BFSP1: variants seen among roughly 807,000 people sequenced by gnomAD.
BFSP1 encodes the protein filensin.
Under a neutral mutation model 43.9 loss-of-function variants are expected in BFSP1, and 38 were observed. The ratio of observed to expected loss-of-function variants is 0.87; its 90% CI spans 0.67 to 1.14. BFSP1 has a LOEUF of 1.14. Ranked by LOEUF, BFSP1 falls within the 50% of genes most tolerant of loss-of-function variation. The pLI is 0.00. For synonymous variants in BFSP1, 352 were observed against 354.8 expected (o/e 0.99, Z 0.09); for missense variants, 850 against 875.1 (o/e 0.97, Z 0.36).
At chr20:17,561,624 C>CCGTTTGT (rs1200678168), upstream of BFSP1, among the ~76,000 whole-genome samples, 2 of 152,096 alleles carry the variant, frequency 1.3e-5, no homozygotes, top group Non-Finnish European at 2.9e-5. Context: ...ATTGTTCAGA[C>CCGTTTGT]CGTTTGTGTT....
chr20:17,520,211 C>CGCCA (rs201307572), intron 2 of BFSP1, among the ~76,000 whole-genome samples: 122 of 95,224 alleles, frequency 1.3e-3, no homozygotes, highest in African/African-American at 3.8e-3. Context: ...TTTTAACGTG[C>CGCCA]CCCCCCACCC....
chr20:17,518,053 T>C (rs1456508696), intron 2 of BFSP1, among the ~76,000 whole-genome samples: 1 of 152,174 alleles, frequency 6.6e-6, no homozygotes, highest in African/African-American at 2.4e-5. Context: ...CTCCTCCTGA[T>C]TCCTGGCCCT....
intron 1 of BFSP1, among the ~76,000 whole-genome samples, chr20:17,548,280 T>C: frequency 6.6e-6 from 1 of 152,158 alleles, no homozygotes; most frequent in South Asian, 2.1e-4. Context: ...GTCTCTCATT[T>C]TTATTAAAAA....
upstream of BFSP1, among the ~76,000 whole-genome samples, chr20:17,562,012 C>T (rs2035071075): frequency 6.6e-6 from 1 of 151,976 alleles, no homozygotes; most frequent in African/African-American, 2.4e-5. Context: ...CCTCTGCCTC[C>T]TGGGTTCATG....
rs187877933 is a variant in BFSP1, at chr20:17,529,197, C to T, written c.377+1756G>A. On this transcript the variant is annotated intron_variant, in intron 1 of 7. Coordinates refer to ENST00000377873, the MANE Select transcript of BFSP1 (RefSeq NM_001195.5). ...AAGTGATTCTCCTGCCTCAGCCTCC[C>T]GGGTAGCTGGAACTACAGGCGTGTG... Among the ~76,000 whole-genome samples the T allele has an allele frequency of 7.8e-3, 1,182 of 152,098 alleles. 7 individuals are homozygous for T. Among genetic ancestry groups the T allele is most frequent in the South Asian group, 0.016 (79 of 4,824 alleles).
At chr20:17,567,977 CTATTGATCCTTGGGA>C (rs1267597937) in intron 1 of BFSP1, among the ~76,000 whole-genome samples, 6 of 149,570 alleles carry the variant, frequency 4.0e-5, no homozygotes, top group South Asian at 4.3e-4. Context: ...GAAGGAACTA[CTATTGATCCTTGGGA>C]AGTGGTAAGA....
chr20:17,558,412 T>G (rs1458774302), intron 1 of BFSP1, among the ~76,000 whole-genome samples: 1 of 152,168 alleles, frequency 6.6e-6, no homozygotes, highest in Non-Finnish European at 1.5e-5. Flanking sequence ...GTGCTGCTCT[T>G]TTTTCTCTGA....
intron 1 of BFSP1, among the ~76,000 whole-genome samples, chr20:17,568,608 A>G (rs904063557): frequency 1.3e-5 from 2 of 152,098 alleles, no homozygotes; most frequent in African/African-American, 4.8e-5. Flanking sequence ...GCTTTGAACA[A>G]CTTTTCCAGG....
intron 1 of BFSP1, among the ~76,000 whole-genome samples, chr20:17,564,205 C>T (rs889615917): frequency 2.0e-5 from 3 of 151,872 alleles, no homozygotes; most frequent in African/African-American, 7.3e-5. Context: ...GACACAGACA[C>T]ACACACAAAT....
At chr20:17,500,065 AC>A (rs765187455) in intron 5 of BFSP1, among the ~76,000 whole-genome samples, 25 of 152,246 alleles carry the variant, frequency 1.6e-4, no homozygotes, top group Non-Finnish European at 3.5e-4. Flanking sequence ...ATAAGATGCT[AC>A]CTTTATTGAA....
At chr20:17,527,918 GTTTT>G (rs1339286313) in intron 1 of BFSP1, among the ~76,000 whole-genome samples, 1 of 152,086 alleles carries the variant, frequency 6.6e-6, no homozygotes, top group African/African-American at 2.4e-5. Context: ...TGATAGTTTT[GTTTT>G]TATTTCATTC....
At chr20:17,528,641 G>T (rs2034470427) in intron 1 of BFSP1, among the ~76,000 whole-genome samples, 1 of 152,196 alleles carries the variant, frequency 6.6e-6, no homozygotes, top group African/African-American at 2.4e-5. Flanking sequence ...CCAGGTTCAA[G>T]TTCTGCCACC....
intron 2 of BFSP1, among the ~76,000 whole-genome samples, chr20:17,518,880 T>G (rs2034259263): frequency 6.6e-6 from 1 of 152,152 alleles, no homozygotes; most frequent in Admixed American, 6.5e-5. Flanking sequence ...GACCACCATC[T>G]TGCCTGACAG....
At chr20:17,497,440 A>C (rs962988246) in intron 6 of BFSP1, among the ~76,000 whole-genome samples, 1 of 63,366 alleles carries the variant, frequency 1.6e-5, no homozygotes, top group Non-Finnish European at 2.8e-5. Context: ...ATGTATATAT[A>C]CGTGTATGTA....
intron 1 of BFSP1, among the ~76,000 whole-genome samples, chr20:17,555,128 G>C (rs374924800): frequency 1.3e-5 from 2 of 151,454 alleles, no homozygotes; most frequent in African/African-American, 4.9e-5. Context: ...GTGAGAACCT[G>C]TCTCTACAAA....
intron 5 of BFSP1, among the ~76,000 whole-genome samples, chr20:17,501,285 C>T (rs1284501685): frequency 1.3e-5 from 2 of 152,196 alleles, no homozygotes; most frequent in African/African-American, 4.8e-5. Context: ...CGGCAAATGG[C>T]CGGGTGTGGT....
chr20:17,526,262 AT>A (rs73617206), intron 1 of BFSP1, among the ~76,000 whole-genome samples: 26,815 of 150,870 alleles, frequency 0.18, 3,680 homozygotes, highest in African/African-American at 0.39. Context: ...CACCACCAAC[AT>A]CCATCTCTGT....
chr20:17,495,689 C>T (rs948733683), intron 7 of BFSP1, among the ~76,000 whole-genome samples: 2 of 152,224 alleles, frequency 1.3e-5, no homozygotes, highest in African/African-American at 2.4e-5. Flanking sequence ...AGTCCACCCT[C>T]CTGCTTCCAG....
At chr20:17,498,056 C>A (rs745491359) in intron 6 of BFSP1, among the ~76,000 whole-genome samples, 1 of 152,192 alleles carries the variant, frequency 6.6e-6, no homozygotes, top group African/African-American at 2.4e-5. Context: ...GCCAAGCATT[C>A]GAGTGCTCAC....
Sources: gnomAD v4.1 joint callset for allele counts (sites outside exome capture counted in the v4.1 genomes callset) on GRCh38, gnomAD v4.1.1 for gene constraint, MANE v1.5 for transcripts, NCBI Gene and HGNC (gene_info 2026-07-23, HGNC 2026-07-21) for gene names.